Variants in FLNA observed in about 807,000 individuals in gnomAD.
The protein encoded by FLNA is filamin-A.
In FLNA, 7 loss-of-function variants were observed where a neutral mutation model predicts 157.6. The observed-to-expected ratio is 0.04, with a 90% CI of 0.03 to 0.08. The LOEUF (loss-of-function observed/expected upper bound fraction) is 0.08. Ranked by LOEUF, FLNA falls within the 10% of genes least tolerant of loss-of-function variation. FLNA has a pLI of 1.00. For synonymous variants in FLNA, 1,103 were observed against 1,060.8 expected (o/e 1.04, Z -0.77); for missense variants, 1,750 against 2,398.4 (o/e 0.73, Z 5.65).
rs375028985 is a variant in FLNA at position 154,353,748 on chromosome X, G to C, written c.5687-21C>G. On this transcript the variant is annotated intron_variant, in intron 35 of 47. Transcript: ENST00000369850. ...GCCCCCTGGAGAGAGCCGTGGGTGAGCATGGGAACTATGCTGGGGACACTC... is the reference window on the plus strand; with the variant it reads ...GCCCCCTGGAGAGAGCCGTGGGTGACCATGGGAACTATGCTGGGGACACTC... 3.8e-4 allele frequency: 459 copies of C among 1,203,824 alleles called. 1 individual carries two copies. The South Asian group carries it at 7.7e-3, about 20-fold the overall frequency.
At chrX:154,365,888 C>A in intron 9 of FLNA, 136 bp downstream of exon 9, 1 of 517,556 alleles carries the variant, frequency 1.9e-6, no homozygotes, top group Non-Finnish European at 3.1e-6. Context: ...GGAAAAACAG[C>A]ATGTGCCCAG....
Position 154,364,727 on chromosome X carries a change from C to G in FLNA, c.1829-8G>C. On this transcript the variant is annotated splice_polypyrimidine_tract_variant and splice_region_variant and intron_variant, in intron 12 of 47. Transcript: ENST00000369850. The stretch of plus-strand genomic sequence containing the variant: ...GCCCTTCCACCGAGAAGCCTGACAA[C>G]AGCCACCAGTCCCCTCAGTGCCCTG... 1 of 1,210,238 alleles carries G rather than the reference C, an allele frequency of 8.3e-7. No homozygotes were observed. The highest frequency in any genetic ancestry group is 1.1e-6 in the Non-Finnish European group (1 of 895,272).
chrX:154,370,415 C>T (rs2067796174), intron 2 of FLNA, among the ~76,000 whole-genome samples: 1 of 112,330 alleles, frequency 8.9e-6, no homozygotes. Flanking sequence ...GAGCCCCAGA[C>T]AATGGGACGC....
intron 43 of FLNA, 36 bp from the exon 44 acceptor site, chrX:154,351,077 T>C (rs1557175673): frequency 1.7e-6 from 2 of 1,207,152 alleles, no homozygotes; most frequent in East Asian, 3.0e-5. Flanking sequence ...ATGGGGGTGC[T>C]TGAGCCAGGG....
chrX:154,350,472 C>T (rs986572513), intron 44 of FLNA: 8 of 423,336 alleles, frequency 1.9e-5, no homozygotes, highest in Non-Finnish European at 2.9e-5. Context: ...GAAAGGTTAC[C>T]GTGAACACCA....
At chrX:154,360,994 C>T (rs782643391) in intron 21 of FLNA, among the ~76,000 whole-genome samples, 1 of 86,494 alleles carries the variant, frequency 1.2e-5, no homozygotes, top group Admixed American at 1.5e-4. Flanking sequence ...GTGCCGTGAG[C>T]CAATATCGCG....
In FLNA at chrX:154,352,769, C is replaced by T; in HGVS notation, c.6379+3G>A. ...GGGGCTGCCGAGGCACTGCTGCACTCACCAGGCACGTGCTGGTCGGCAAAC... is the reference window on the plus strand; with the variant it reads ...GGGGCTGCCGAGGCACTGCTGCACTTACCAGGCACGTGCTGGTCGGCAAAC... On this transcript the variant is annotated splice_donor_region_variant and intron_variant, in intron 39 of 47. Transcript: ENST00000369850. 8.3e-7 allele frequency: 1 copy of T among 1,211,014 alleles called. No individual in the cohort carries two copies. The highest frequency in any genetic ancestry group is 3.0e-5 in the East Asian group (1 of 33,796).
rs782410005 is a variant in FLNA, at chrX:154,365,116, GGGATGCCT to G, written c.1691+12_1691+19del. On this transcript the variant is annotated intron_variant, in intron 11 of 47. Transcript: ENST00000369850. ...AGGCAGAGTGTGCAGAGCTGGGAGA[GGGATGCCT>G]GGGGGCCTCACCTGCGCCCGATGTT... 4 of 1,211,357 alleles carry G rather than the reference GGGATGCCT, an allele frequency of 3.3e-6. No homozygotes were observed. The South Asian group carries it at 7.0e-5, about 21-fold the overall frequency.
chrX:154,351,702 C>A lies in FLNA; in HGVS notation c.6908-6G>T, dbSNP rs781833708. The A allele has an allele frequency of 9.4e-6, 11 of 1,172,449 alleles. No individual in the cohort carries two copies. The African/African-American group carries it at 1.9e-4, about 21-fold the overall frequency. The stretch of plus-strand genomic sequence containing the variant: ...GACTGAGACTTCGTAGTCACCTGGG[C>A]AGGGAAAGAGTGTAAGACCGGCTCA... On this transcript the variant is annotated splice_polypyrimidine_tract_variant and splice_region_variant and intron_variant, in intron 42 of 47. Transcript: ENST00000369850.
intron 2 of FLNA, among the ~76,000 whole-genome samples, chrX:154,369,853 G>A (rs974411718): frequency 5.3e-4 from 59 of 112,184 alleles, no homozygotes; most frequent in African/African-American, 1.8e-3. Flanking sequence ...AGTGGCTGGG[G>A]GAACCCAAGT....
rs1557180295 is a variant in FLNA at position 154,371,234 on chromosome X, G to A, written c.12C>T (p.Ser4=). 3.3e-6 allele frequency: 4 copies of A among 1,202,133 alleles called. No individual in the cohort carries two copies. Residue 4 remains serine, a synonymous_variant, in exon 2 of 48, where the codon TCC becomes TCT. Coordinates refer to ENST00000369850, the MANE Select transcript of FLNA (RefSeq NM_001110556.2). MSS[S]HSRAGQSAAG... is the part of the protein sequence containing the mutation. The stretch of plus-strand genomic sequence containing the variant: ...CTGCGCTCTGGCCCGCCCGAGAGTG[G>A]GAGCTACTCATTTTGAGGCGCGAGA...
At chrX:154,369,224 C>T (rs2067785457) in intron 2 of FLNA, among the ~76,000 whole-genome samples, 1 of 112,425 alleles carries the variant, frequency 8.9e-6, no homozygotes, top group African/African-American at 3.2e-5. Flanking sequence ...TTGGTCCTGG[C>T]CCCACGAGGC....
chrX:154,351,519 C>A (rs1190732702), intron 43 of FLNA, 62 bp downstream of exon 43: 2 of 778,661 alleles, frequency 2.6e-6, no homozygotes, highest in African/African-American at 2.0e-5. Context: ...CTGGTCTCTG[C>A]GGTGGCTCTG....
At chrX:154,372,980 G>A (rs1367760950) in intron 1 of FLNA, among the ~76,000 whole-genome samples, 2 of 111,456 alleles carry the variant, frequency 1.8e-5, no homozygotes, top group African/African-American at 6.5e-5. Context: ...TGGTGTTAGG[G>A]GGTGCAAATG....
intron 30 of FLNA, among the ~76,000 whole-genome samples, chrX:154,356,062 C>CCTGGCTG (rs2067660475): frequency 8.9e-6 from 1 of 112,574 alleles, no homozygotes; most frequent in Admixed American, 9.3e-5. Flanking sequence ...AGGCTCCAGA[C>CCTGGCTG]CTGGCTGCCG....
chrX:154,364,895 C>G lies in FLNA; in HGVS notation c.1754G>C (p.Gly585Ala). 8.3e-7 allele frequency: 1 copy of G among 1,211,494 alleles called. No individual in the cohort carries two copies. The highest frequency in any genetic ancestry group is 1.1e-6 in the Non-Finnish European group (1 of 895,466). The change falls in exon 12 of 48, where the codon GGG becomes GCG. Residue 585 changes from glycine (G) to alanine (A), a missense_variant. Physicochemically the swap from Gly to Ala is moderately conservative, Grantham distance 60 (BLOSUM62 0). This residue lies in a region of FLNA where 648 missense variants were observed against 805.8 expected (regional missense o/e 0.80). Coordinates refer to ENST00000369850, the MANE Select transcript of FLNA (RefSeq NM_001110556.2). ...CTTGCCAACGACGCCGCCCTCCAGCCCAGGGCCCCAGGCCCGTACCTTCTG... is the reference window on the plus strand; with the variant it reads ...CTTGCCAACGACGCCGCCCTCCAGCGCAGGGCCCCAGGCCCGTACCTTCTG... ...GNQKVRAWGP[G>A]LEGGVVGKSA...
intron 15 of FLNA, among the ~76,000 whole-genome samples, chrX:154,363,211 G>A (rs1451061484): frequency 2.7e-5 from 3 of 109,218 alleles, no homozygotes; most frequent in Non-Finnish European, 5.7e-5. Flanking sequence ...GGGGTCAGGC[G>A]GTTGAGACCA....
intron 47 of FLNA, 30 bp downstream of exon 47, chrX:154,349,332 G>A: frequency 8.4e-7 from 1 of 1,186,565 alleles, no homozygotes; most frequent in Non-Finnish European, 1.1e-6. Context: ...ATTTTGGTGG[G>A]AAGGTGGGCC....
chrX:154,356,483 T>C (rs1557176873), intron 30 of FLNA, among the ~76,000 whole-genome samples: 6 of 111,985 alleles, frequency 5.4e-5, no homozygotes. Context: ...TATAAAGCCA[T>C]CTCGCTCCTG....
Sources: gnomAD v4.1 joint callset for allele counts (sites outside exome capture counted in the v4.1 genomes callset) on GRCh38, gnomAD v4.1.1 for gene constraint, gnomAD v4.1.1 regional missense constraint, MANE v1.5 for transcripts, NCBI Gene and HGNC (gene_info 2026-07-23, HGNC 2026-07-21) for gene names.